The following EPB41 variants were observed in gnomAD, a reference collection of about 807,000 sequenced individuals.
The protein encoded by EPB41 is erythrocyte membrane protein band 4.1.
In EPB41, 65 loss-of-function variants were observed where a neutral mutation model predicts 108.0. The observed-to-expected ratio is 0.60, with a 90% CI of 0.49 to 0.74. EPB41 has a LOEUF of 0.74. Ranked by LOEUF, EPB41 falls within the 30% of genes least tolerant of loss-of-function variation. The pLI is 0.00. For missense variants in EPB41, 875 were observed against 1,037.0 expected (o/e 0.84, Z 2.15); for synonymous variants, 336 against 358.9 (o/e 0.94, Z 0.72).
chr1:28,892,647 G>A (rs2090245617), intron 1 of EPB41, among the ~76,000 whole-genome samples: 2 of 151,768 alleles, frequency 1.3e-5, no homozygotes, highest in African/African-American at 4.8e-5. Flanking sequence ...CCAAGGAGGC[G>A]GAGGTTGCGC....
rs1191522965 is a variant in EPB41 at position 29,053,312 on chromosome 1, G to A, written c.1845G>A (p.Lys615=). The change falls in exon 12 of 21, where the codon AAG becomes AAA. Residue 615 remains lysine, a splice_region_variant and synonymous_variant. Transcript: ENST00000343067. Reference sequence around the variant, plus strand: ...AGCCAGAGCCCACAGAAGCATGGAAGGTATGTCATCAGTCCAAATACCTAG... The same window carrying A: ...AGCCAGAGCCCACAGAAGCATGGAAAGTATGTCATCAGTCCAAATACCTAG... ...QAEPEPTEAW[K]VEKTHIEVTV... The A allele has an allele frequency of 6.2e-7, 1 of 1,614,192 alleles. No individual in the cohort carries two copies. Among genetic ancestry groups the A allele is most frequent in the South Asian group, 1.1e-5 (1 of 91,078 alleles).
intron 4 of EPB41, among the ~76,000 whole-genome samples, chr1:29,008,480 A>G (rs1381235964): frequency 6.6e-6 from 1 of 152,220 alleles, no homozygotes; most frequent in Admixed American, 6.5e-5. Flanking sequence ...ATGTAAGGTT[A>G]CACAGCTGCT....
chr1:28,905,155 CG>C (rs2091687811), intron 1 of EPB41, among the ~76,000 whole-genome samples: 1 of 149,830 alleles, frequency 6.7e-6, no homozygotes, highest in Admixed American at 6.7e-5. Flanking sequence ...GGCGAGATTG[CG>C]CCACTGCACT....
intron 1 of EPB41, among the ~76,000 whole-genome samples, chr1:28,896,218 A>G (rs7530248): frequency 0.02 from 3,097 of 152,348 alleles, 94 homozygotes; most frequent in African/African-American, 0.071. Flanking sequence ...TTCAACAAAT[A>G]GTAGCAATGG....
At chr1:28,992,684 G>A (rs1320303235) in intron 2 of EPB41, among the ~76,000 whole-genome samples, 2 of 151,554 alleles carry the variant, frequency 1.3e-5, no homozygotes, top group Admixed American at 1.3e-4. Context: ...GTGAGACTCC[G>A]TCTCAAAAAA....
At chr1:28,992,942 T>C (rs747584617) in intron 2 of EPB41, among the ~76,000 whole-genome samples, 12 of 152,234 alleles carry the variant, frequency 7.9e-5, no homozygotes, top group Non-Finnish European at 1.6e-4. Context: ...ACAAGTCACA[T>C]CTTATTTTGC....
At chr1:29,036,780 A>G (rs1639662657) in intron 10 of EPB41, among the ~76,000 whole-genome samples, 1 of 151,132 alleles carries the variant, frequency 6.6e-6, no homozygotes, top group Admixed American at 6.6e-5. Flanking sequence ...GGTTCAAGCA[A>G]TTCTCCTGCC....
At chr1:29,056,301 C>G (rs1645443244) in intron 12 of EPB41, among the ~76,000 whole-genome samples, 1 of 151,084 alleles carries the variant, frequency 6.6e-6, no homozygotes, top group African/African-American at 2.4e-5. Context: ...ATGGCATTTA[C>G]TTGAAGCCAT....
At chr1:28,946,888 T>C (rs377767226) in intron 1 of EPB41, among the ~76,000 whole-genome samples, 1 of 152,336 alleles carries the variant, frequency 6.6e-6, no homozygotes, top group East Asian at 1.9e-4. Flanking sequence ...AGATGTTTTA[T>C]GTTTTTAATG....
intron 1 of EPB41, chr1:28,982,226 AT>A (rs1302917836): frequency 2.4e-6 from 1 of 415,276 alleles, no homozygotes; most frequent in African/African-American, 2.1e-5. Context: ...ACATGAACTC[AT>A]CATTTTTTAT....
At chr1:29,050,468 A>T (rs1399387025) in intron 11 of EPB41, among the ~76,000 whole-genome samples, 1 of 152,242 alleles carries the variant, frequency 6.6e-6, no homozygotes, top group Non-Finnish European at 1.5e-5. Flanking sequence ...GTGAATACAC[A>T]TGTATAATGA....
intron 7 of EPB41, among the ~76,000 whole-genome samples, chr1:29,021,993 T>C (rs1297010859): frequency 6.6e-6 from 1 of 152,196 alleles, no homozygotes; most frequent in Admixed American, 6.5e-5. Flanking sequence ...CTAGTACTTT[T>C]AGGAAAGCAA....
At chr1:29,046,459 T>C (rs1355679528) in intron 11 of EPB41, among the ~76,000 whole-genome samples, 1 of 152,180 alleles carries the variant, frequency 6.6e-6, no homozygotes, top group Non-Finnish European at 1.5e-5. Context: ...TAATGGTTTA[T>C]CTGTGGATTA....
chr1:29,018,522 C>A lies in EPB41; in HGVS notation c.1124+80C>A. On this transcript the variant is annotated intron_variant, in intron 7 of 20. Transcript: ENST00000343067. The surrounding 1 kb of genome is among the most constrained non-coding windows in gnomAD (Gnocchi z 4.4). The stretch of plus-strand genomic sequence containing the variant: ...CAACATGGTATTGGTTCATTGTTTG[C>A]CTAAGAGGGATCATGGTGCCATAGA... The A allele has an allele frequency of 7.4e-7, 1 of 1,351,840 alleles. No homozygotes were observed. Among genetic ancestry groups the A allele is most frequent in the Non-Finnish European group, 1.1e-6 (1 of 944,838 alleles). 83.7% of individuals were successfully genotyped at this position (1,351,840 alleles called of 1,614,324 possible).
At chr1:29,051,385 C>T (rs1330517937) in intron 11 of EPB41, among the ~76,000 whole-genome samples, 1 of 151,836 alleles carries the variant, frequency 6.6e-6, no homozygotes, top group African/African-American at 2.4e-5. Flanking sequence ...AGGTGTGAGC[C>T]ACCGTGCCTG....
At chr1:29,073,900 ATAT>A (rs1248504174) in intron 16 of EPB41, among the ~76,000 whole-genome samples, 1 of 152,192 alleles carries the variant, frequency 6.6e-6, no homozygotes, top group African/African-American at 2.4e-5. Flanking sequence ...TTTCTATTAA[ATAT>A]TATAAATTTT....
At chr1:29,002,957 T>A (rs145131838) in intron 4 of EPB41, among the ~76,000 whole-genome samples, 3 of 152,362 alleles carry the variant, frequency 2.0e-5, no homozygotes, top group Non-Finnish European at 4.4e-5. Context: ...CAGGAAAAAC[T>A]GGTCTGTTTA....
intron 16 of EPB41, among the ~76,000 whole-genome samples, chr1:29,093,796 T>C (rs1285412808): frequency 6.6e-6 from 1 of 152,154 alleles, no homozygotes. Flanking sequence ...TCTCAGCTAC[T>C]CTGGAGGCTG....
intron 16 of EPB41, among the ~76,000 whole-genome samples, chr1:29,087,051 TCTC>T (rs1659305415): frequency 6.7e-6 from 1 of 149,632 alleles, no homozygotes; most frequent in Non-Finnish European, 1.5e-5. Context: ...TTCACGCCAT[TCTC>T]CTGCCTCAGC....
Sources: allele counts gnomAD v4.1 joint callset (sites outside exome capture counted in the v4.1 genomes callset), GRCh38; gene constraint gnomAD v4.1.1; non-coding constraint Gnocchi (gnomAD v3.1); transcripts MANE v1.5; gene names NCBI Gene and HGNC (gene_info 2026-07-23, HGNC 2026-07-21).